Variants in ESPNL observed in about 807,000 individuals in gnomAD.
ESPNL encodes the protein espin like.
A neutral mutation model predicts 46.8 loss-of-function variants in ESPNL; 49 were observed. The observed-to-expected ratio is 1.05, with a 90% CI of 0.83 to 1.33. The LOEUF is 1.33. Among genes scored for constraint, ESPNL ranks in the 40% most tolerant of loss-of-function variants. The pLI is 0.00. For missense variants in ESPNL, 1,540 were observed against 1,436.6 expected (o/e 1.07, Z -1.16); for synonymous variants, 664 against 662.1 (o/e 1.00, Z -0.04).
chr2:238,112,557 C>T (rs547213864), intron 4 of ESPNL, among the ~76,000 whole-genome samples: 7 of 152,126 alleles, frequency 4.6e-5, no homozygotes, highest in Non-Finnish European at 8.8e-5. Context: ...TTATTACTTT[C>T]TTTCCTAAAT....
In ESPNL at chr2:238,125,328, C is replaced by T. The variant is rs866696350; in HGVS notation, c.1046C>T (p.Thr349Met). 1.4e-5 allele frequency: 22 copies of T among 1,573,934 alleles called. No homozygotes were observed. The highest frequency in any genetic ancestry group is 3.3e-4 in the Middle Eastern group (2 of 6,018). Residue 349 changes from threonine to methionine, a missense_variant, in exon 6 of 9, where the codon ACG becomes ATG. Thr to Met is a moderately conservative substitution (Grantham distance 81). Coordinates refer to ENST00000343063, the MANE Select transcript of ESPNL (RefSeq NM_194312.4). ...PPFPPPPLLA[T>M]RRSLEDGRRG... ...TTCCCCCCACCTCCACTGTTGGCCA[C>T]GAGGCGCTCCCTGGAGGATGGAAGA... is the stretch of plus-strand genomic sequence containing the variant.
At chr2:238,126,311 T>A (rs906282964) in intron 6 of ESPNL, among the ~76,000 whole-genome samples, 1 of 151,308 alleles carries the variant, frequency 6.6e-6, no homozygotes, top group Non-Finnish European at 1.5e-5. Context: ...ATTGTGTATC[T>A]GTGTGTGATT....
At chr2:238,127,880 C>G in intron 7 of ESPNL, 146 bp downstream of exon 7, 1 of 626,790 alleles carries the variant, frequency 1.6e-6, no homozygotes, top group East Asian at 2.9e-5. Context: ...CTCCGCTGCT[C>G]TCGAGAACAC....
chr2:238,131,037 G>T lies in ESPNL; in HGVS notation c.2323G>T (p.Gly775Cys), dbSNP rs2106481287. ...TLGARHAGLRGQEAARSPGPP... is the reference protein window; with the variant it reads ...TLGARHAGLRCQEAARSPGPP... The stretch of plus-strand genomic sequence containing the variant: ...AGGAGCCCGCCACGCGGGGTTGCGG[G>T]GCCAGGAGGCCGCCAGGAGCCCTGG... The change falls in exon 9 of 9, where the codon GGC becomes TGC. Residue 775 changes from glycine (G) to cysteine (C), a missense_variant. Coordinates refer to ENST00000343063, the MANE Select transcript of ESPNL (RefSeq NM_194312.4). The T allele has an allele frequency of 2.0e-6, 3 of 1,538,248 alleles. No homozygotes were observed. The African/African-American group carries it at 4.1e-5, about 21-fold the overall frequency.
intron 1 of ESPNL, 94 bp downstream of exon 1, chr2:238,100,807 G>A (rs1481552533): frequency 1.8e-5 from 20 of 1,135,324 alleles, no homozygotes; most frequent in East Asian, 1.3e-4. Context: ...TGGCCACCCC[G>A]GGCTCCATGG....
chr2:238,125,394 C>G lies in ESPNL; in HGVS notation c.1102+10C>G. The G allele has an allele frequency of 4.7e-6, 7 of 1,499,938 alleles. No individual in the cohort carries two copies. The East Asian group carries it at 1.8e-4, about 38-fold the overall frequency. 92.9% of individuals were successfully genotyped at this position (1,499,938 alleles called of 1,614,324 possible). On this transcript the variant is annotated intron_variant, in intron 6 of 8. Transcript: ENST00000343063. Reference sequence around the variant, plus strand: ...CCAGGGAACCCCAGCCGTGAGTGCACAGCCCCAAGTGGGCCACCCAGGGCA... The same window carrying G: ...CCAGGGAACCCCAGCCGTGAGTGCAGAGCCCCAAGTGGGCCACCCAGGGCA...
intron 8 of ESPNL, among the ~76,000 whole-genome samples, chr2:238,129,655 A>AT (rs1692236652): frequency 6.6e-6 from 1 of 152,200 alleles, no homozygotes; most frequent in South Asian, 2.1e-4. Context: ...GAGTCCTATG[A>AT]TTTTGTCAAG....
chr2:238,115,040 C>T (rs1382826368), intron 4 of ESPNL, among the ~76,000 whole-genome samples: 1 of 152,114 alleles, frequency 6.6e-6, no homozygotes, highest in Non-Finnish European at 1.5e-5. Context: ...GCGGTTCTGG[C>T]GCTGGTCTTG....
chr2:238,120,989 G>A (rs1691975513), intron 5 of ESPNL, among the ~76,000 whole-genome samples: 1 of 152,236 alleles, frequency 6.6e-6, no homozygotes, highest in Non-Finnish European at 1.5e-5. Flanking sequence ...GGGGAGCAAT[G>A]CTGGACAGGA....
At position 238,102,100 on chromosome 2, in the gene ESPNL, T is replaced by C. The variant is rs1260019583; in HGVS notation, c.454T>C (p.Cys152Arg). Reference protein sequence around the residue: ...HHAAVSGDLTCLKLLTAAHGS... With the variant: ...HHAAVSGDLTRLKLLTAAHGS... ...CGCTGCCGTCAGTGGGGACCTGACC[T>C]GCCTCAAGCTCCTGACAGCCGCGCA... is the stretch of plus-strand genomic sequence containing the variant. Residue 152 changes from cysteine to arginine, a missense_variant, in exon 2 of 9, where the codon TGC (cysteine) becomes CGC (arginine). By Grantham distance (180) the Cys-to-Arg change is radical (BLOSUM62 -3). Transcript: ENST00000343063. The C allele has an allele frequency of 7.0e-6, 11 of 1,567,218 alleles. No individual in the cohort carries two copies. Among genetic ancestry groups the C allele is most frequent in the Non-Finnish European group, 9.5e-6 (11 of 1,157,456 alleles).
At chr2:238,110,653 C>T (rs12991510) in intron 4 of ESPNL, among the ~76,000 whole-genome samples, 7,143 of 28,812 alleles carry the variant, frequency 0.25, 70 homozygotes, top group African/African-American at 0.26. Flanking sequence ...GTGTCCCTTT[C>T]CTGTCCCAGG....
chr2:238,101,747 C>T (rs1471098522), intron 1 of ESPNL, among the ~76,000 whole-genome samples, 194 bp from the exon 2 acceptor site: 1 of 152,226 alleles, frequency 6.6e-6, no homozygotes, highest in Non-Finnish European at 1.5e-5. Flanking sequence ...AGTCCTGGCC[C>T]TCCTCTCACC....
At chr2:238,103,740 G>A (rs1691536133) in intron 2 of ESPNL, among the ~76,000 whole-genome samples, 1 of 152,240 alleles carries the variant, frequency 6.6e-6, no homozygotes, top group Non-Finnish European at 1.5e-5. Context: ...AAGGCATACT[G>A]GCAGCCCTTT....
chr2:238,126,432 CTG>C (rs900670701), intron 6 of ESPNL, among the ~76,000 whole-genome samples: 26 of 146,934 alleles, frequency 1.8e-4, no homozygotes, highest in East Asian at 1.2e-3. Flanking sequence ...GTTTGTGTGT[CTG>C]TGTCAGTGTG....
At chr2:238,127,534 C>G in intron 6 of ESPNL, 88 bp from the exon 7 acceptor site, 2 of 1,481,324 alleles carry the variant, frequency 1.4e-6, no homozygotes, top group South Asian at 2.7e-5. Flanking sequence ...AGGAGGTCAG[C>G]TCTGCCCCCA....
rs893839596 is a variant in ESPNL at position 238,129,010 on chromosome 2, AG to A, written c.1413+110del. 10 of 1,450,892 alleles carry A rather than the reference AG, an allele frequency of 6.9e-6. No individual in the cohort carries two copies. In the African/African-American group the frequency reaches 9.9e-5, roughly 14 times the overall value. The allele number at this position is 1,450,892 out of a possible 1,614,324, so 89.9% of individuals were successfully genotyped here. On this transcript the variant is annotated intron_variant, in intron 8 of 8. Coordinates refer to ENST00000343063, the MANE Select transcript of ESPNL (RefSeq NM_194312.4). ...AAGCCCAGAACTGAATCCAAGACCCAGGGGCCCCTCTCCTCTGTGGCCTCAG... is the reference window on the plus strand; with the variant it reads ...AAGCCCAGAACTGAATCCAAGACCCAGGGCCCCTCTCCTCTGTGGCCTCAG...
At chr2:238,118,918 GGGTT>G (rs1574737263) in intron 5 of ESPNL, among the ~76,000 whole-genome samples, 63 of 143,018 alleles carry the variant, frequency 4.4e-4, no homozygotes, top group African/African-American at 7.5e-4. Context: ...GGATGGAGGA[GGGTT>G]AATGGAGGAG....
rs376574836 is a variant in ESPNL at position 238,116,758 on chromosome 2, C to T, written c.856-145C>T. ...TCCTAGGCAGGTCTCTGGCACCCCA[C>T]GGCCCAGATTCAAGTCCTGCCCCTG... On this transcript the variant is annotated intron_variant, in intron 4 of 8. Transcript: ENST00000343063. The T allele has an allele frequency of 3.5e-4, 378 of 1,077,804 alleles. 1 individual carries two copies. The highest frequency in any genetic ancestry group is 3.4e-3 in the South Asian group (219 of 63,918). The allele number at this position is 1,077,804 out of a possible 1,614,324, so 66.8% of individuals were successfully genotyped here.
intron 5 of ESPNL, among the ~76,000 whole-genome samples, chr2:238,118,524 G>GA (rs1267989832): frequency 3.8e-5 from 5 of 131,516 alleles, no homozygotes; most frequent in South Asian, 2.5e-4. Flanking sequence ...GATGGAGAAG[G>GA]GTGGATGGAG....
Sources: allele counts gnomAD v4.1 joint callset (sites outside exome capture counted in the v4.1 genomes callset), GRCh38; gene constraint gnomAD v4.1.1; transcripts MANE v1.5; gene names NCBI Gene and HGNC (gene_info 2026-07-23, HGNC 2026-07-21).